FGF14: variants seen among roughly 807,000 people sequenced by gnomAD.
The protein encoded by FGF14 is fibroblast growth factor homologous factor 4.
FGF14 carries 5 observed loss-of-function variants against 25.5 expected under a neutral mutation model. That is an observed-to-expected ratio of 0.20 (90% CI 0.10 to 0.41). FGF14 has a LOEUF of 0.41. Ranked by LOEUF, FGF14 falls within the 10% of genes least tolerant of loss-of-function variation. FGF14 has a pLI of 1.00. For missense variants in FGF14, 222 were observed against 320.1 expected, an observed-to-expected ratio of 0.69 and a Z score of 2.34; for synonymous variants, 138 against 118.3, an observed-to-expected ratio of 1.17 and a Z score of -1.08.
intron 1 of FGF14, among the ~76,000 whole-genome samples, chr13:102,142,917 T>C (rs2046702345): frequency 6.6e-6 from 1 of 152,198 alleles, no homozygotes; most frequent in African/African-American, 2.4e-5. Context: ...TACGCTTTTA[T>C]TCTCTTTTTA....
intron 1 of FGF14, among the ~76,000 whole-genome samples, chr13:101,991,492 G>C (rs2038901490): frequency 6.6e-6 from 1 of 152,138 alleles, no homozygotes; most frequent in Non-Finnish European, 1.5e-5. Context: ...TGGACTTCCA[G>C]TTTCTAGTCT....
intron 1 of FGF14, among the ~76,000 whole-genome samples, chr13:102,188,355 G>A (rs1352467057): frequency 2.0e-5 from 3 of 152,164 alleles, no homozygotes; most frequent in East Asian, 1.9e-4. Context: ...ATATAGCATT[G>A]TGACTAAGAA....
chr13:101,991,468 A>G (rs1566542820), intron 1 of FGF14, among the ~76,000 whole-genome samples: 1 of 152,270 alleles, frequency 6.6e-6, no homozygotes, highest in East Asian at 1.9e-4. Flanking sequence ...CCTGGGCCTC[A>G]AACAGAAAAA....
At chr13:102,255,135 C>A (rs1333131503) in intron 1 of FGF14, among the ~76,000 whole-genome samples, 2 of 152,184 alleles carry the variant, frequency 1.3e-5, no homozygotes, top group Non-Finnish European at 2.9e-5. Context: ...CTCAAAATTT[C>A]TCTCTTTCAT....
intron 1 of FGF14, among the ~76,000 whole-genome samples, chr13:101,969,253 G>A (rs1167217299): frequency 6.6e-6 from 1 of 152,134 alleles, no homozygotes; most frequent in Non-Finnish European, 1.5e-5. Flanking sequence ...GGTTACTGGG[G>A]ATTGAAGGAT....
At chr13:102,239,204 T>C (rs2051471028) in intron 1 of FGF14, among the ~76,000 whole-genome samples, 1 of 152,216 alleles carries the variant, frequency 6.6e-6, no homozygotes, top group Non-Finnish European at 1.5e-5. Context: ...ACCCAGTTAC[T>C]GTACAGATTT....
At chr13:102,238,960 T>TA (rs1244436110) in intron 1 of FGF14, among the ~76,000 whole-genome samples, 3 of 152,090 alleles carry the variant, frequency 2.0e-5, no homozygotes, top group Admixed American at 6.6e-5. Context: ...ACCTATGACC[T>TA]ATGTTGCCTA....
chr13:102,328,417 T>A (rs1448737366), intron 1 of FGF14, among the ~76,000 whole-genome samples: 1 of 152,246 alleles, frequency 6.6e-6, no homozygotes, highest in Non-Finnish European at 1.5e-5. Context: ...ATCTTCCATA[T>A]TTCTAGAAAA....
At chr13:102,257,429 G>A (rs958129319) in intron 1 of FGF14, among the ~76,000 whole-genome samples, 8 of 118,864 alleles carry the variant, frequency 6.7e-5, no homozygotes, top group African/African-American at 1.9e-4. Flanking sequence ...TCGGCTCACC[G>A]CAACCTCCAC....
intron 1 of FGF14, chr13:102,394,495 C>T (rs1056096787): frequency 2.6e-5 from 4 of 152,526 alleles, no homozygotes; most frequent in African/African-American, 9.6e-5. Flanking sequence ...CGGCGGCTTC[C>T]GGCCGCCATG....
intron 1 of FGF14, among the ~76,000 whole-genome samples, chr13:102,276,349 G>GTATATATATATATA (rs1208210428): frequency 3.1e-5 from 1 of 32,762 alleles, no homozygotes; most frequent in African/African-American, 1.4e-4. Flanking sequence ...GTGTGTGTGT[G>GTATATATATATATA]TGTGTATATA....
intron 1 of FGF14, among the ~76,000 whole-genome samples, chr13:102,092,668 A>G (rs1355924876): frequency 1.3e-5 from 2 of 152,212 alleles, no homozygotes; most frequent in South Asian, 2.1e-4. Context: ...ACATGAAAGA[A>G]ATAAAACTAG....
intron 1 of FGF14, among the ~76,000 whole-genome samples, chr13:102,038,955 G>T (rs1167240878): frequency 6.6e-6 from 1 of 152,078 alleles, no homozygotes; most frequent in Non-Finnish European, 1.5e-5. Flanking sequence ...AGTATGTACT[G>T]TACCAGGTGC....
chr13:101,733,832 AATTT>A (rs1474037352), intron 3 of FGF14, among the ~76,000 whole-genome samples: 19 of 151,592 alleles, frequency 1.3e-4, no homozygotes, highest in Admixed American at 5.3e-4. Flanking sequence ...TAGATACAAT[AATTT>A]ATTTATTAAA....
intron 3 of FGF14, among the ~76,000 whole-genome samples, chr13:101,826,821 G>T (rs181126103): frequency 8.6e-5 from 13 of 152,018 alleles, no homozygotes; most frequent in Non-Finnish European, 1.8e-4. Context: ...TAATTCTAAT[G>T]TATTGAGAAT....
intron 1 of FGF14, among the ~76,000 whole-genome samples, chr13:102,096,377 C>T (rs1252360938): frequency 6.6e-6 from 1 of 151,962 alleles, no homozygotes; most frequent in African/African-American, 2.4e-5. Flanking sequence ...ATGCCAAGGA[C>T]AGTCTGACTT....
chr13:101,858,550 C>A lies in FGF14; in HGVS notation c.408+10175G>T, dbSNP rs533003356. On this transcript the variant is annotated intron_variant, in intron 3 of 4. Coordinates refer to ENST00000376143, the MANE Select transcript of FGF14 (RefSeq NM_004115.4). ...CATGTTTTAGATCATCTTTGAAACTCCTTACATATAAAAATTATTTTCACC... is the reference window on the plus strand; with the variant it reads ...CATGTTTTAGATCATCTTTGAAACTACTTACATATAAAAATTATTTTCACC... 1.6e-4 allele frequency among the ~76,000 whole-genome samples: 24 copies of A among 152,074 alleles called. 1 individual carries two copies. In the South Asian group the frequency reaches 5.0e-3, roughly 32 times the overall value.
intron 1 of FGF14, among the ~76,000 whole-genome samples, chr13:102,312,995 C>G (rs2055847857): frequency 6.6e-6 from 1 of 152,152 alleles, no homozygotes; most frequent in South Asian, 2.1e-4. Context: ...AGTGAGTTCT[C>G]CTCCTCCTGT....
chr13:102,248,633 G>C (rs1240439366), intron 1 of FGF14, among the ~76,000 whole-genome samples: 3 of 152,108 alleles, frequency 2.0e-5, no homozygotes, highest in Non-Finnish European at 4.4e-5. Context: ...TTTGGATTCT[G>C]GGCTAAGTTT....
Sources: allele counts gnomAD v4.1 joint callset (sites outside exome capture counted in the v4.1 genomes callset), GRCh38; gene constraint gnomAD v4.1.1; transcripts MANE v1.5; gene names NCBI Gene and HGNC (gene_info 2026-07-23, HGNC 2026-07-21).